KIAA2012: variants seen among roughly 807,000 people sequenced by gnomAD.
The protein encoded by KIAA2012 is KIAA2012.
A neutral mutation model predicts 150.6 loss-of-function variants in KIAA2012; 125 were observed. The ratio of observed to expected loss-of-function variants is 0.83; its 90% CI spans 0.72 to 0.96. The LOEUF (loss-of-function observed/expected upper bound fraction) is 0.96. KIAA2012 is among the 40% of genes least tolerant of loss of function. The pLI, the probability that KIAA2012 is intolerant of heterozygous loss-of-function variation, is 0.00. For missense variants in KIAA2012, 1,219 were observed against 1,354.9 expected (o/e 0.90, Z 1.57); for synonymous variants, 462 against 504.7 (o/e 0.92, Z 1.13).
chr2:202,103,831 C>A (rs981045590), intron 8 of KIAA2012, among the ~76,000 whole-genome samples: 1 of 152,184 alleles, frequency 6.6e-6, no homozygotes, highest in Admixed American at 6.5e-5. Flanking sequence ...GACCTCTCAT[C>A]CTGTGTCACA....
Position 202,165,317 on chromosome 2 carries a change from G to T in KIAA2012, c.2080G>T (p.Ala694Ser). Reference sequence around the variant, plus strand: ...AAATGCACTGGACTATCAGGAAGAAGCAGGGAGACCCCTCAGAGAAACTCA... The same window carrying T: ...AAATGCACTGGACTATCAGGAAGAATCAGGGAGACCCCTCAGAGAAACTCA... ...SGNALDYQEE[A>S]GRPLRETHHN... Residue 694 changes from alanine (A) to serine (S), a missense_variant, in exon 15 of 24, where the codon GCA becomes TCA. Transcript: ENST00000498697. 1 of 1,550,426 alleles carries T rather than the reference G, an allele frequency of 6.4e-7. No individual in the cohort carries two copies. Among genetic ancestry groups the T allele is most frequent in the East Asian group, 2.4e-5 (1 of 40,912 alleles).
chr2:202,146,531 C>T (rs1691300506), intron 13 of KIAA2012, among the ~76,000 whole-genome samples: 1 of 151,194 alleles, frequency 6.6e-6, no homozygotes, highest in Non-Finnish European at 1.5e-5. Flanking sequence ...ACTCGGGAGC[C>T]TGAGGCAGAA....
At position 202,119,274 on chromosome 2, in the gene KIAA2012, G is replaced by GA. The variant is rs5837806; in HGVS notation, c.1762+5840dup. ...GCAACAGAGCGAGACTCCGTCTCAG[G>GA]AAAAAAAAAAAAGAATAATAGCTTG... On this transcript the variant is annotated intron_variant, in intron 11 of 23. Transcript: ENST00000498697. Among the ~76,000 whole-genome samples the GA allele has an allele frequency of 1.6e-4, 24 of 148,822 alleles. No individual in the cohort carries two copies. The South Asian group carries it at 3.6e-3, about 22-fold the overall frequency.
chr2:202,171,112 T>TACACAC (rs10532176), intron 15 of KIAA2012, among the ~76,000 whole-genome samples: 7 of 149,832 alleles, frequency 4.7e-5, no homozygotes, highest in Admixed American at 1.3e-4. Flanking sequence ...AAAGAAATAC[T>TACACAC]ACACACACAC....
Position 202,139,682 on chromosome 2 carries a change from C to T in KIAA2012, c.1908+1174C>T, listed in dbSNP as rs564279565. Among the ~76,000 whole-genome samples the T allele has an allele frequency of 1.7e-3, 257 of 152,310 alleles. 1 individual carries two copies. The highest frequency in any genetic ancestry group is 3.4e-3 in the Middle Eastern group (1 of 292). ...TCCACTGAGGTGAAACGCAGCTGAG[C>T]GGCTCCTCCCTGCTGCCAAGGAGCT... On this transcript the variant is annotated intron_variant, in intron 13 of 23. Transcript: ENST00000498697.
chr2:202,164,664 G>A (rs553142279), intron 14 of KIAA2012, among the ~76,000 whole-genome samples: 1 of 152,298 alleles, frequency 6.6e-6, no homozygotes, highest in African/African-American at 2.4e-5. Flanking sequence ...CTGCCTTCAA[G>A]GCCATGGGGG....
At chr2:202,138,554 CT>C (rs1353917028) in intron 13 of KIAA2012, 46 bp downstream of exon 13, 1 of 1,425,180 alleles carries the variant, frequency 7.0e-7, no homozygotes, top group African/African-American at 1.4e-5. Context: ...AGTCACAACT[CT>C]TGGGTTCTTG....
At chr2:202,188,373 G>A in intron 18 of KIAA2012, 107 bp downstream of exon 18, 1 of 848,960 alleles carries the variant, frequency 1.2e-6, no homozygotes, top group Non-Finnish European at 1.8e-6. Context: ...TCTCTGTTTT[G>A]AGACTTCTTG....
In KIAA2012 at chr2:202,191,850, C is replaced by G. The variant is rs984289490; in HGVS notation, c.2811+1357C>G. Among the ~76,000 whole-genome samples the G allele has an allele frequency of 1.5e-4, 23 of 152,132 alleles. 1 individual carries two copies. Among genetic ancestry groups the G allele is most frequent in the Admixed American group, 6.5e-4 (10 of 15,278 alleles). On this transcript the variant is annotated intron_variant, in intron 19 of 23. Transcript: ENST00000498697. ...CACTTGTGAGCCAGGTATGATTAGC[C>G]CCATTTTACAGATCCAGAAATAGAA... is the stretch of plus-strand genomic sequence containing the variant.
chr2:202,143,535 T>C (rs1026234469), intron 13 of KIAA2012, among the ~76,000 whole-genome samples: 6 of 150,174 alleles, frequency 4.0e-5, no homozygotes, highest in Non-Finnish European at 8.8e-5. Flanking sequence ...TGGATTATGT[T>C]ATTTGTTTTC....
chr2:202,160,545 C>T (rs897819907), intron 14 of KIAA2012, among the ~76,000 whole-genome samples: 3 of 152,052 alleles, frequency 2.0e-5, no homozygotes, highest in Admixed American at 2.0e-4. Flanking sequence ...GATCTCCTGA[C>T]CTCGTGATCC....
chr2:202,191,782 G>A (rs1166338952), intron 19 of KIAA2012, among the ~76,000 whole-genome samples: 2 of 152,146 alleles, frequency 1.3e-5, no homozygotes, highest in Non-Finnish European at 2.9e-5. Context: ...ACACAGCTAA[G>A]CCACTACAAT....
At chr2:202,155,718 G>A (rs1333868172) in intron 14 of KIAA2012, among the ~76,000 whole-genome samples, 2 of 152,228 alleles carry the variant, frequency 1.3e-5, no homozygotes, top group African/African-American at 4.8e-5. Context: ...TAGACTGGCA[G>A]GGCCTTTGGA....
At chr2:202,103,940 T>C (rs1218586902) in intron 8 of KIAA2012, among the ~76,000 whole-genome samples, 1 of 152,228 alleles carries the variant, frequency 6.6e-6, no homozygotes, top group Non-Finnish European at 1.5e-5. Context: ...GGGCAAAAAG[T>C]GTCCTAGTTT....
chr2:202,131,948 G>A (rs1690941785), intron 12 of KIAA2012, among the ~76,000 whole-genome samples: 1 of 152,132 alleles, frequency 6.6e-6, no homozygotes, highest in Non-Finnish European at 1.5e-5. Context: ...GGCCGAGGCA[G>A]GCAGATCACC....
intron 10 of KIAA2012, among the ~76,000 whole-genome samples, chr2:202,112,570 G>A (rs1158457337): frequency 1.3e-5 from 2 of 152,160 alleles, no homozygotes; most frequent in African/African-American, 4.8e-5. Flanking sequence ...CATCTGAAGT[G>A]GGGGGCAGTC....
At chr2:202,106,225 C>A (rs1473452157) in intron 9 of KIAA2012, among the ~76,000 whole-genome samples, 1 of 152,178 alleles carries the variant, frequency 6.6e-6, no homozygotes, top group Non-Finnish European at 1.5e-5. Flanking sequence ...TCCAGCTCAC[C>A]AATTACTTAC....
At chr2:202,178,244 CA>C (rs2105735096) in intron 15 of KIAA2012, among the ~76,000 whole-genome samples, 1 of 152,080 alleles carries the variant, frequency 6.6e-6, no homozygotes, top group African/African-American at 2.4e-5. Flanking sequence ...TCAAATATGG[CA>C]AAATGTTAAA....
intron 13 of KIAA2012, among the ~76,000 whole-genome samples, chr2:202,148,813 G>A (rs897439187): frequency 2.0e-5 from 3 of 152,074 alleles, no homozygotes; most frequent in South Asian, 2.1e-4. Context: ...CAGGGTGGTC[G>A]GCCTTGCCAC....
Sources: gnomAD v4.1 joint callset for allele counts (sites outside exome capture counted in the v4.1 genomes callset) on GRCh38, gnomAD v4.1.1 for gene constraint, MANE v1.5 for transcripts, NCBI Gene and HGNC (gene_info 2026-07-23, HGNC 2026-07-21) for gene names.